The following RCAN2 variants were observed in gnomAD, a reference collection of about 807,000 sequenced individuals.
RCAN2 encodes calcipressin-2.
RCAN2 carries 9 observed loss-of-function variants against 23.6 expected under a neutral mutation model. The observed-to-expected ratio is 0.38, with a 90% CI of 0.23 to 0.67. The LOEUF is 0.67. RCAN2 is among the 30% of genes least tolerant of loss of function. The pLI is 0.51. For missense variants in RCAN2, 273 were observed against 302.3 expected (o/e 0.90, Z 0.72); for synonymous variants, 109 against 115.7 (o/e 0.94, Z 0.37).
At chr6:46,339,014 C>CAAAAAAAAAAAAAAAA (rs3997300) in intron 2 of RCAN2, among the ~76,000 whole-genome samples, 1 of 47,090 alleles carries the variant, frequency 2.1e-5, no homozygotes, top group Non-Finnish European at 3.6e-5. Context: ...GACCCTGTCT[C>CAAAAAAAAAAAAAAAA]AAAAAAAAAA....
At chr6:46,454,014 A>C (rs1191298460) in intron 2 of RCAN2, among the ~76,000 whole-genome samples, 1 of 152,242 alleles carries the variant, frequency 6.6e-6, no homozygotes, top group Non-Finnish European at 1.5e-5. Context: ...CCAAAGCCAA[A>C]TATAAAAACA....
At position 46,442,137 on chromosome 6, in the gene RCAN2, C is replaced by T. The variant is rs74870454; in HGVS notation, c.225+14615G>A. On this transcript the variant is annotated intron_variant, in intron 2 of 4. Transcript: ENST00000371374. The stretch of plus-strand genomic sequence containing the variant: ...ACAGGCAGGGTGAAGCCCATGACAT[C>T]CTCAGCTGTTGAGACTAAAGAAAAT... 5.3e-5 allele frequency among the ~76,000 whole-genome samples: 8 copies of T among 152,336 alleles called. No homozygotes were observed. In the East Asian group the frequency reaches 1.5e-3, roughly 29 times the overall value.
At chr6:46,380,508 G>A (rs1166259027) in intron 2 of RCAN2, among the ~76,000 whole-genome samples, 1 of 152,180 alleles carries the variant, frequency 6.6e-6, no homozygotes, top group Non-Finnish European at 1.5e-5. Flanking sequence ...CAGGGAACAG[G>A]TGAGTAAAGC....
At chr6:46,281,406 G>GTCA (rs2150339148) in intron 2 of RCAN2, among the ~76,000 whole-genome samples, 1 of 152,276 alleles carries the variant, frequency 6.6e-6, no homozygotes, top group East Asian at 1.9e-4. Context: ...TTTTAAACAA[G>GTCA]TTTCCCAAGT....
intron 2 of RCAN2, among the ~76,000 whole-genome samples, chr6:46,436,776 A>G (rs940132356): frequency 4.6e-5 from 7 of 152,174 alleles, no homozygotes; most frequent in Admixed American, 2.0e-4. Context: ...TTGGACTTAG[A>G]CTGATAGATG....
chr6:46,360,952 C>T (rs1764992465), intron 2 of RCAN2, among the ~76,000 whole-genome samples: 1 of 152,168 alleles, frequency 6.6e-6, no homozygotes, highest in Admixed American at 6.5e-5. Flanking sequence ...CTTCTCCCTA[C>T]CCCCATGTAT....
intron 2 of RCAN2, among the ~76,000 whole-genome samples, chr6:46,374,469 G>A (rs945340219): frequency 1.3e-5 from 2 of 152,104 alleles, no homozygotes; most frequent in African/African-American, 4.8e-5. Flanking sequence ...ACAGAACGTA[G>A]TATAATTATA....
intron 2 of RCAN2, among the ~76,000 whole-genome samples, chr6:46,321,246 T>C (rs927337912): frequency 6.6e-6 from 1 of 152,230 alleles, no homozygotes; most frequent in Non-Finnish European, 1.5e-5. Context: ...TTTTTGTTCA[T>C]AGCCCTCATC....
intron 2 of RCAN2, among the ~76,000 whole-genome samples, chr6:46,397,681 G>C (rs1456459873): frequency 2.0e-5 from 3 of 151,964 alleles, no homozygotes. Flanking sequence ...AAAAATAAAT[G>C]CCCTATAATA....
intron 2 of RCAN2, among the ~76,000 whole-genome samples, chr6:46,429,980 T>G (rs1281361054): frequency 6.6e-6 from 1 of 151,680 alleles, no homozygotes; most frequent in Non-Finnish European, 1.5e-5. Context: ...GACTCAGGAG[T>G]GAAGGAAAAG....
chr6:46,340,365 T>A (rs1764276351), intron 2 of RCAN2, among the ~76,000 whole-genome samples: 1 of 152,238 alleles, frequency 6.6e-6, no homozygotes, highest in African/African-American at 2.4e-5. Context: ...CCAAGGTTTG[T>A]GCTCCCCCTG....
At chr6:46,463,539 C>A (rs1768282544) in intron 1 of RCAN2, among the ~76,000 whole-genome samples, 1 of 152,120 alleles carries the variant, frequency 6.6e-6, no homozygotes, top group Non-Finnish European at 1.5e-5. Flanking sequence ...GATTGCCTGA[C>A]ATTTCCTTTA....
At chr6:46,285,588 A>T (rs1433676321) in intron 2 of RCAN2, among the ~76,000 whole-genome samples, 1 of 152,204 alleles carries the variant, frequency 6.6e-6, no homozygotes, top group African/African-American at 2.4e-5. Context: ...AAGTTCTTCT[A>T]GTTGCTTGAA....
chr6:46,274,697 A>G (rs557771161), intron 2 of RCAN2, among the ~76,000 whole-genome samples: 85 of 152,330 alleles, frequency 5.6e-4, no homozygotes, highest in African/African-American at 1.7e-3. Context: ...CCCATGTCCT[A>G]TGTTAACAGT....
At chr6:46,365,080 G>C (rs1043260733) in intron 2 of RCAN2, among the ~76,000 whole-genome samples, 2 of 151,970 alleles carry the variant, frequency 1.3e-5, no homozygotes, top group Non-Finnish European at 2.9e-5. Context: ...CTATCCCTCT[G>C]CCCAGCTTAT....
At chr6:46,346,634 T>C (rs1386892256) in intron 2 of RCAN2, among the ~76,000 whole-genome samples, 1 of 152,038 alleles carries the variant, frequency 6.6e-6, no homozygotes, top group East Asian at 1.9e-4. Context: ...CAAAGTTTAG[T>C]AAAATATTTA....
At chr6:46,330,532 A>G (rs185343859) in intron 2 of RCAN2, among the ~76,000 whole-genome samples, 22 of 152,324 alleles carry the variant, frequency 1.4e-4, no homozygotes, top group Non-Finnish European at 2.8e-4. Flanking sequence ...AAAAGCAAGA[A>G]TATTTCCTTA....
chr6:46,464,452 G>A (rs567286716), intron 1 of RCAN2, among the ~76,000 whole-genome samples: 4 of 152,222 alleles, frequency 2.6e-5, no homozygotes, highest in African/African-American at 9.6e-5. Flanking sequence ...CCCTTTGGGT[G>A]TTTTAATATC....
chr6:46,382,233 A>C (rs1486551112), intron 2 of RCAN2, among the ~76,000 whole-genome samples: 1 of 152,210 alleles, frequency 6.6e-6, no homozygotes, highest in Non-Finnish European at 1.5e-5. Flanking sequence ...GAATACTAAT[A>C]GTTCTTTTCT....
Sources: allele counts gnomAD v4.1 joint callset (sites outside exome capture counted in the v4.1 genomes callset), GRCh38; gene constraint gnomAD v4.1.1; transcripts MANE v1.5; gene names NCBI Gene and HGNC (gene_info 2026-07-23, HGNC 2026-07-21).